Variants in ITPRID1 observed in about 807,000 individuals in gnomAD.
ITPRID1 encodes ITPR interacting domain containing 1, also known as protein ITPRID1.
In ITPRID1, 96 loss-of-function variants were observed where a neutral mutation model predicts 95.4. The ratio of observed to expected loss-of-function variants is 1.01; its 90% confidence interval spans 0.85 to 1.19. The LOEUF (loss-of-function observed/expected upper bound fraction) is 1.19, where lower values mean the gene tolerates loss of function less well. ITPRID1 is among the 50% of genes most tolerant of loss of function. The pLI is 0.00. For synonymous variants in ITPRID1, 510 were observed against 453.6 expected, an observed-to-expected ratio of 1.12 and a Z score of -1.58; for missense variants, 1,339 against 1,252.9, an observed-to-expected ratio of 1.07 and a Z score of -1.04.
intron 10 of ITPRID1, among the ~76,000 whole-genome samples, chr7:31,633,256 C>G (rs38379): frequency 1.3e-5 from 2 of 151,952 alleles, no homozygotes. Flanking sequence ...GAAAGGAGTT[C>G]GACACATTCT....
chr7:31,643,869 G>T lies in ITPRID1; in HGVS notation c.2499G>T (p.Leu833=). 6.2e-7 allele frequency: 1 copy of T among 1,613,890 alleles called. No homozygotes were observed. The highest frequency in any genetic ancestry group is 8.5e-7 in the Non-Finnish European group (1 of 1,179,888). Residue 833 remains leucine, a synonymous_variant, in exon 12 of 15, where the codon CTG becomes CTT. Coordinates refer to ENST00000615280, the MANE Select transcript of ITPRID1 (RefSeq NM_001257967.3). ...AACCCTCAGTCTGTAGGCACTGCCT[G>T]TGTTCACTAACTGGTCACCAGGAAG... The part of the protein sequence containing the change: ...GPEPSVCRHC[L]CSLTGHQEAQ...
chr7:31,528,119 C>T (rs1291441402), intron 1 of ITPRID1, among the ~76,000 whole-genome samples: 1 of 152,140 alleles, frequency 6.6e-6, no homozygotes, highest in Admixed American at 6.5e-5. Context: ...TGAGTAGGAA[C>T]TGTGTTTTGA....
At chr7:31,617,294 TG>T in intron 10 of ITPRID1, among the ~76,000 whole-genome samples, 1 of 152,032 alleles carries the variant, frequency 6.6e-6, no homozygotes, top group East Asian at 1.9e-4. Flanking sequence ...TTAATATAAA[TG>T]GGTTTCTCAA....
rs749070608 is a variant in ITPRID1 at position 31,578,105 on chromosome 7, G to A, written c.841G>A (p.Asp281Asn). 32 of 1,613,624 alleles carry A rather than the reference G, an allele frequency of 2.0e-5. No individual in the cohort carries two copies. Among genetic ancestry groups the A allele is most frequent in the Non-Finnish European group, 2.7e-5 (32 of 1,179,806 alleles). The stretch of plus-strand genomic sequence containing the variant: ...GGTATCAGAGTCCTTCAAGGTGAAG[G>A]ATGAAGTTTTTGTTCCCTTTACAAA... ...PEVSESFKVK[D>N]EVFVPFTKPW... is the part of the protein sequence containing the mutation. The change falls in exon 9 of 15, where the codon GAT (aspartate) becomes AAT (asparagine). Residue 281 changes from aspartate (D) to asparagine (N), a missense_variant. Coordinates refer to ENST00000615280, the MANE Select transcript of ITPRID1 (RefSeq NM_001257967.3).
intron 1 of ITPRID1, among the ~76,000 whole-genome samples, chr7:31,542,298 C>T (rs748268840): frequency 2.0e-5 from 3 of 152,144 alleles, no homozygotes; most frequent in Non-Finnish European, 4.4e-5. Context: ...GCAAAGCTCG[C>T]AAGTTGTGCA....
chr7:31,514,427 A>G (rs987901778), intron 1 of ITPRID1, among the ~76,000 whole-genome samples: 1 of 152,176 alleles, frequency 6.6e-6, no homozygotes, highest in Non-Finnish European at 1.5e-5. Flanking sequence ...AAAGGAGTTG[A>G]AATGTAAGAA....
intron 10 of ITPRID1, among the ~76,000 whole-genome samples, chr7:31,625,233 G>C (rs1266413876): frequency 1.3e-5 from 2 of 151,572 alleles, no homozygotes; most frequent in African/African-American, 2.4e-5. Context: ...CAGGGATCTA[G>C]AATTACAAAT....
At chr7:31,612,954 T>G (rs1414534286) in intron 10 of ITPRID1, among the ~76,000 whole-genome samples, 2 of 152,172 alleles carry the variant, frequency 1.3e-5, no homozygotes, top group Admixed American at 6.5e-5. Context: ...TATTAAACAA[T>G]TACCATTGTT....
intron 10 of ITPRID1, among the ~76,000 whole-genome samples, chr7:31,595,710 TAATAA>T (rs755546555): frequency 1.2e-4 from 19 of 152,070 alleles, no homozygotes; most frequent in Non-Finnish European, 2.1e-4. Context: ...AGGTCATCAT[TAATAA>T]AATAAACATA....
intron 10 of ITPRID1, among the ~76,000 whole-genome samples, chr7:31,615,752 C>T (rs1181919951): frequency 1.4e-5 from 2 of 143,442 alleles, no homozygotes; most frequent in Admixed American, 7.0e-5. Flanking sequence ...ACTGAGAATT[C>T]TTTTTTTTTT....
intron 1 of ITPRID1, among the ~76,000 whole-genome samples, chr7:31,522,429 AC>A (rs1406368044): frequency 1.3e-5 from 2 of 152,320 alleles, no homozygotes; most frequent in Middle Eastern, 3.4e-3. Context: ...ACATTGATGA[AC>A]CAAAACATAA....
intron 1 of ITPRID1, among the ~76,000 whole-genome samples, chr7:31,516,761 G>A (rs1164902836): frequency 6.6e-6 from 1 of 152,054 alleles, no homozygotes; most frequent in Non-Finnish European, 1.5e-5. Flanking sequence ...TCTGTGACAA[G>A]ATGTGACTGG....
intron 1 of ITPRID1, among the ~76,000 whole-genome samples, chr7:31,534,215 G>T (rs1783689068): frequency 6.6e-6 from 1 of 152,188 alleles, no homozygotes; most frequent in Non-Finnish European, 1.5e-5. Context: ...GTGCCAAAAA[G>T]GTTGAGGACT....
At chr7:31,586,372 G>A (rs1010262445) in intron 10 of ITPRID1, among the ~76,000 whole-genome samples, 1 of 151,342 alleles carries the variant, frequency 6.6e-6, no homozygotes, top group Non-Finnish European at 1.5e-5. Context: ...GGATGGCTGG[G>A]TCAAATGGTA....
At chr7:31,617,886 G>A (rs149452601) in intron 10 of ITPRID1, among the ~76,000 whole-genome samples, 41 of 152,228 alleles carry the variant, frequency 2.7e-4, no homozygotes, top group African/African-American at 3.6e-4. Context: ...TACTTCTAAC[G>A]CTACAAATCA....
chr7:31,592,604 G>A (rs931228940), intron 10 of ITPRID1, among the ~76,000 whole-genome samples: 2 of 152,160 alleles, frequency 1.3e-5, no homozygotes, highest in Non-Finnish European at 1.5e-5. Flanking sequence ...ATCATAAGGA[G>A]CACACAACCT....
intron 10 of ITPRID1, among the ~76,000 whole-genome samples, chr7:31,597,194 C>A (rs1422340640): frequency 6.6e-6 from 1 of 151,938 alleles, no homozygotes; most frequent in South Asian, 2.1e-4. Flanking sequence ...ATTTCAATCT[C>A]AACAGTAAAA....
intron 5 of ITPRID1, among the ~76,000 whole-genome samples, chr7:31,565,828 C>T (rs888920473): frequency 7.2e-5 from 11 of 152,218 alleles, no homozygotes; most frequent in Non-Finnish European, 1.3e-4. Flanking sequence ...GTCAGACACC[C>T]GACCTGACAT....
intron 1 of ITPRID1, among the ~76,000 whole-genome samples, chr7:31,547,544 T>C (rs568810812): frequency 8.7e-4 from 133 of 152,208 alleles, no homozygotes; most frequent in Non-Finnish European, 1.8e-3. Context: ...GCCTCCATGA[T>C]CCAATAACCT....
Sources: allele counts gnomAD v4.1 joint callset (sites outside exome capture counted in the v4.1 genomes callset), GRCh38; gene constraint gnomAD v4.1.1; transcripts MANE v1.5; gene names NCBI Gene and HGNC (gene_info 2026-07-23, HGNC 2026-07-21).